IK: variants seen among roughly 807,000 people sequenced by gnomAD.
IK encodes the protein protein Red.
IK carries 47 observed loss-of-function variants against 90.9 expected under a neutral mutation model. The observed-to-expected ratio is 0.52, with a 90% confidence interval of 0.41 to 0.66. The LOEUF (loss-of-function observed/expected upper bound fraction) is 0.66, where lower values mean the gene tolerates loss of function less well. Ranked by LOEUF, IK falls within the 30% of genes least tolerant of loss-of-function variation. The probability of loss-of-function intolerance (pLI) is 0.00; values close to 1 mark genes in which losing one functional copy is unlikely to be tolerated. For missense variants in IK, 385 were observed against 709.3 expected (o/e 0.54, Z 5.19); for synonymous variants, 201 against 227.5 (o/e 0.88, Z 1.05).
At chr5:140,655,611 C>T (rs1757695657) in intron 8 of IK, among the ~76,000 whole-genome samples, 1 of 152,222 alleles carries the variant, frequency 6.6e-6, no homozygotes, top group African/African-American at 2.4e-5. Context: ...TGCTCCATTA[C>T]TTAGTAGATA....
At chr5:140,648,303 G>C (rs1241463967) in intron 1 of IK, 168 bp from the exon 2 acceptor site, 1 of 732,396 alleles carries the variant, frequency 1.4e-6, no homozygotes. Context: ...CCTCTGCTTT[G>C]TGCTCCCACA....
In IK at chr5:140,656,098, A is replaced by G. The variant is rs1235440713; in HGVS notation, c.801+106A>G. The G allele has an allele frequency of 8.0e-6, 8 of 1,000,006 alleles. No individual in the cohort carries two copies. In the East Asian group the frequency reaches 1.9e-4, roughly 23 times the overall value. 61.9% of individuals were successfully genotyped at this position (1,000,006 alleles called of 1,614,324 possible). On this transcript the variant is annotated intron_variant, in intron 9 of 19. Coordinates refer to ENST00000417647, the MANE Select transcript of IK (RefSeq NM_006083.4). ...TCCACCATGTCACCAAGTGCTGTTC[A>G]CTTTTACCTCCTAAATCTCAACTGA...
In IK at chr5:140,659,129, C is replaced by G. The variant is rs761745655; in HGVS notation, c.1141C>G (p.His381Asp). 8.8e-6 allele frequency: 14 copies of G among 1,598,114 alleles called. No individual in the cohort carries two copies. The highest frequency in any genetic ancestry group is 1.2e-5 in the Non-Finnish European group (14 of 1,172,274). Residue 381 changes from histidine (H) to aspartate (D), a missense_variant, in exon 12 of 20, where the codon CAC becomes GAC. Coordinates refer to ENST00000417647, the MANE Select transcript of IK (RefSeq NM_006083.4). ...AGAGAGAGAAGAGGAAAAGAAGAGA[C>G]ACAGCTACTTTGAGAAGCCAAAAGT... Reference protein sequence around the residue: ...DREREEEKKRHSYFEKPKVDD... With the variant: ...DREREEEKKRDSYFEKPKVDD...
chr5:140,648,824 A>G (rs1216890265), intron 2 of IK: 2 of 394,326 alleles, frequency 5.1e-6, no homozygotes, highest in Non-Finnish European at 9.2e-6. Flanking sequence ...AACATAGGAA[A>G]TAAGGGTAAA....
chr5:140,654,735 C>G lies in IK; in HGVS notation c.637+8C>G. Reference sequence around the variant, plus strand: ...AATTTAAAACACGTCTGGGTGAGTACAGTTTCTATACTAGTGACTATGCAT... The same window carrying G: ...AATTTAAAACACGTCTGGGTGAGTAGAGTTTCTATACTAGTGACTATGCAT... On this transcript the variant is annotated splice_region_variant and intron_variant, in intron 8 of 19. Transcript: ENST00000417647. 1 of 1,560,224 alleles carries G rather than the reference C, an allele frequency of 6.4e-7. No homozygotes were observed. Among genetic ancestry groups the G allele is most frequent in the Non-Finnish European group, 8.8e-7 (1 of 1,134,138 alleles).
chr5:140,660,289 C>CTTGTTTTTTTTTTTTTTTTTTT (rs1387044855), intron 15 of IK, 94 bp downstream of exon 15: 1 of 280,350 alleles, frequency 3.6e-6, no homozygotes, highest in African/African-American at 6.2e-5. Context: ...CCCAGGGCTA[C>CTTGTTTTTTTTTTTTTTTTTTT]TTCTTTTTTT....
intron 10 of IK, 97 bp from the exon 11 acceptor site, chr5:140,658,637 CAGA>C (rs1166265018): frequency 9.7e-7 from 1 of 1,030,750 alleles, no homozygotes; most frequent in Non-Finnish European, 1.5e-6. Flanking sequence ...ACGTTTTAAA[CAGA>C]AGATGTTTAA....
chr5:140,651,130 A>G (rs1757608551), intron 2 of IK, among the ~76,000 whole-genome samples: 1 of 152,110 alleles, frequency 6.6e-6, no homozygotes, highest in African/African-American at 2.4e-5. Context: ...ACTTTCTGGT[A>G]GTTAACACTC....
At chr5:140,660,289 C>CTTCTT (rs752244319) in intron 15 of IK, 94 bp downstream of exon 15, 1 of 280,350 alleles carries the variant, frequency 3.6e-6, no homozygotes, top group Non-Finnish European at 6.2e-6. Context: ...CCCAGGGCTA[C>CTTCTT]TTCTTTTTTT....
intron 10 of IK, among the ~76,000 whole-genome samples, chr5:140,658,162 C>G (rs753213660): frequency 9.2e-5 from 14 of 151,850 alleles, no homozygotes; most frequent in Non-Finnish European, 1.9e-4. Flanking sequence ...CGCATCACCA[C>G]GCCTGGCTAA....
At position 140,648,007 on chromosome 5, in the gene IK, GGT is replaced by G. The variant is rs762057029; in HGVS notation, c.16+120_16+121del. 0.025 allele frequency: 22,964 copies of G among 926,294 alleles called. 101 individuals carry two copies. The highest frequency in any genetic ancestry group is 0.03 in the Non-Finnish European group (17,151 of 580,726). 57.4% of individuals were successfully genotyped at this position (926,294 alleles called of 1,614,324 possible). On this transcript the variant is annotated intron_variant, in intron 1 of 19. Coordinates refer to ENST00000417647, the MANE Select transcript of IK (RefSeq NM_006083.4). ...TATTGTAGCTTCTGAGCTTAAGCCG[GGT>G]GTGTGTGTGTGTGTGTGTGTGTGTG... is the stretch of plus-strand genomic sequence containing the variant.
chr5:140,660,868 C>A, intron 16 of IK, 53 bp downstream of exon 16: 2 of 1,345,330 alleles, frequency 1.5e-6, no homozygotes, highest in East Asian at 2.3e-5. Context: ...ATTTGTTTTA[C>A]ATGTATCTCC....
Position 140,660,206 on chromosome 5 carries a change from C to A in IK, c.1355+11C>A, listed in dbSNP as rs748544027. On this transcript the variant is annotated intron_variant, in intron 15 of 19. Coordinates refer to ENST00000417647, the MANE Select transcript of IK (RefSeq NM_006083.4). ...GTGCTACCCAGCCACGTATGTGAAACCTGGTTAAGGAAGGGAGGCTGGGAT... is the reference window on the plus strand; with the variant it reads ...GTGCTACCCAGCCACGTATGTGAAAACTGGTTAAGGAAGGGAGGCTGGGAT... 2 of 1,597,716 alleles carry A rather than the reference C, an allele frequency of 1.3e-6. No individual in the cohort carries two copies. The highest frequency in any genetic ancestry group is 1.7e-5 in the Admixed American group (1 of 59,764).
Position 140,661,191 on chromosome 5 carries a change from A to G in IK, c.1413+376A>G. ...TTTCCTCTAAGTCTTAAGCAAAATT[A>G]AAAAGAAAAAAACCACTAATGCCAC... is the stretch of plus-strand genomic sequence containing the variant. On this transcript the variant is annotated intron_variant, in intron 16 of 19. Coordinates refer to ENST00000417647, the MANE Select transcript of IK (RefSeq NM_006083.4). The surrounding 1 kb of genome is among the most constrained non-coding windows in gnomAD (Gnocchi z 4.2). The G allele has an allele frequency of 7.8e-6, 2 of 255,918 alleles. No individual in the cohort carries two copies. The highest frequency in any genetic ancestry group is 2.2e-5 in the African/African-American group (1 of 44,762). 15.9% of individuals were successfully genotyped at this position (255,918 alleles called of 1,614,324 possible).
Position 140,652,482 on chromosome 5 carries a change from C to T in IK, c.236+335C>T, listed in dbSNP as rs149785701. On this transcript the variant is annotated intron_variant, in intron 4 of 19. Transcript: ENST00000417647. ...TACATGTAGGCATTTAGCACCAATG[C>T]CTGGCATATGGTAACCACCCAATAA... 8.3e-4 allele frequency among the ~76,000 whole-genome samples: 127 copies of T among 152,178 alleles called. No individual in the cohort carries two copies. The East Asian group carries it at 0.016, about 20-fold the overall frequency.
Position 140,647,863 on chromosome 5 carries a change from C to G in IK, c.-46C>G, listed in dbSNP as rs139482464. On this transcript the variant is annotated 5_prime_UTR_variant, in exon 1 of 20. Coordinates refer to ENST00000417647, the MANE Select transcript of IK (RefSeq NM_006083.4). ...GAAAGAGCTTGTCGCTGCGGTGTTG[C>G]TGTTGGAGACTCGATTGTTGGTGAC... 1 of 1,612,394 alleles carries G rather than the reference C, an allele frequency of 6.2e-7. No homozygotes were observed. Among genetic ancestry groups the G allele is most frequent in the Non-Finnish European group, 8.5e-7 (1 of 1,178,450 alleles).
intron 6 of IK, 133 bp downstream of exon 6, chr5:140,654,185 A>G (rs1323147478): frequency 3.1e-6 from 2 of 644,108 alleles, no homozygotes; most frequent in East Asian, 2.7e-5. Context: ...CCCCTCTGAA[A>G]AGCTGATTGC....
intron 16 of IK, 124 bp downstream of exon 16, chr5:140,660,939 G>T: frequency 1.4e-6 from 1 of 695,316 alleles, no homozygotes; most frequent in Non-Finnish European, 2.6e-6. Flanking sequence ...AGCTGCAGCA[G>T]TAGAAACAGC....
chr5:140,648,668 C>A, intron 2 of IK, 131 bp downstream of exon 2: 1 of 882,988 alleles, frequency 1.1e-6, no homozygotes, highest in Non-Finnish European at 1.9e-6. Context: ...CCCTTTATCT[C>A]TGTGAGCCTT....
Sources: gnomAD v4.1 joint callset for allele counts (sites outside exome capture counted in the v4.1 genomes callset) on GRCh38, gnomAD v4.1.1 for gene constraint, Gnocchi (gnomAD v3.1) non-coding constraint, MANE v1.5 for transcripts, NCBI Gene and HGNC (gene_info 2026-07-23, HGNC 2026-07-21) for gene names.